The following CCDC77 variants were observed in gnomAD, a reference collection of about 807,000 sequenced individuals.
CCDC77 encodes coiled-coil domain containing 77.
A neutral mutation model predicts 66.8 loss-of-function variants in CCDC77; 56 were observed. The ratio of observed to expected loss-of-function variants is 0.84; its 90% CI spans 0.68 to 1.05. CCDC77 has a LOEUF of 1.05. CCDC77 is among the 50% of genes least tolerant of loss of function. The probability of loss-of-function intolerance (pLI) is 0.00; values close to 1 mark genes in which losing one functional copy is unlikely to be tolerated. For synonymous variants in CCDC77, 196 were observed against 195.2 expected (o/e 1.00, Z -0.03); for missense variants, 570 against 576.8 (o/e 0.99, Z 0.12).
Position 431,894 on chromosome 12 carries a change from G to A in CCDC77, c.612G>A (p.Ser204=), listed in dbSNP as rs1028272152. The A allele has an allele frequency of 4.3e-6, 7 of 1,609,924 alleles. No individual in the cohort carries two copies. The highest frequency in any genetic ancestry group is 4.5e-5 in the East Asian group (2 of 44,820). The change falls in exon 8 of 13, where the codon TCG becomes TCA. Residue 204 remains serine (S), a synonymous_variant. Coordinates refer to ENST00000239830, the MANE Select transcript of CCDC77 (RefSeq NM_032358.4). ...ADPKISKRRP[S]RERKESSEHY... is the part of the protein sequence containing the mutation. ...CTAAAATAAGCAAAAGAAGACCATC[G>A]AGAGAGAGAAAAGAAAGTTCTGAGC... is the stretch of plus-strand genomic sequence containing the variant.
chr12:392,773 A>G (rs994980772), intron 1 of CCDC77, among the ~76,000 whole-genome samples: 2 of 152,044 alleles, frequency 1.3e-5, no homozygotes, highest in Non-Finnish European at 2.9e-5. Flanking sequence ...GAGAACCCCC[A>G]AAGTTCTTGT....
chr12:407,035 A>C (rs540643289), intron 2 of CCDC77, among the ~76,000 whole-genome samples: 79 of 152,244 alleles, frequency 5.2e-4, no homozygotes, highest in Non-Finnish European at 1.1e-3. Flanking sequence ...AGCCAAGCGC[A>C]GTGACTCATG....
intron 1 of CCDC77, among the ~76,000 whole-genome samples, chr12:390,877 T>A (rs1176702372): frequency 6.6e-6 from 1 of 152,244 alleles, no homozygotes; most frequent in Non-Finnish European, 1.5e-5. Flanking sequence ...GAAGTCTTAG[T>A]TCTCCACATG....
rs751634340 is a variant in CCDC77, at chr12:440,856, A to T, written c.1180A>T (p.Lys394Ter). ...TCCCCATATTTAGGATCGCACTAAC[A>T]AGATGGGGAAGCGTTTACAGATAAT... ...RREIFKDRTNKMGKRLQIMTK... is the reference protein window; with the variant it reads ...RREIFKDRTN Residue 394 changes from lysine to a stop codon, truncating the protein, a stop_gained, in exon 12 of 13, where the codon AAG becomes TAG. Coordinates refer to ENST00000239830, the MANE Select transcript of CCDC77 (RefSeq NM_032358.4). LOFTEE classifies it high-confidence loss of function. 3 of 1,613,638 alleles carry T rather than the reference A, an allele frequency of 1.9e-6. No individual in the cohort carries two copies. The highest frequency in any genetic ancestry group is 2.5e-6 in the Non-Finnish European group (3 of 1,180,028).
intron 8 of CCDC77, 102 bp from the exon 9 acceptor site, chr12:433,072 G>T (rs1206918574): frequency 8.2e-7 from 1 of 1,220,494 alleles, no homozygotes; most frequent in Non-Finnish European, 1.2e-6. Flanking sequence ...GTTTTTGTTT[G>T]TGTTTGTTTT....
At chr12:391,641 A>ATAT (rs1190217378) in intron 1 of CCDC77, among the ~76,000 whole-genome samples, 9 of 152,254 alleles carry the variant, frequency 5.9e-5, no homozygotes, top group Non-Finnish European at 1.3e-4. Flanking sequence ...AACCTGATAG[A>ATAT]ACCTCAGTAT....
Position 411,994 on chromosome 12 carries a change from T to C in CCDC77, c.270+16T>C, listed in dbSNP as rs1945120905. 1.3e-6 allele frequency: 2 copies of C among 1,582,160 alleles called. No individual in the cohort carries two copies. The highest frequency in any genetic ancestry group is 1.7e-6 in the Non-Finnish European group (2 of 1,152,602). On this transcript the variant is annotated intron_variant, in intron 4 of 12. Coordinates refer to ENST00000239830, the MANE Select transcript of CCDC77 (RefSeq NM_032358.4). Reference sequence around the variant, plus strand: ...TGAAGGACAGGTAAAGAAACGATGCTGCTGCTTTAGAACTCTGATGGAGTC... The same window carrying C: ...TGAAGGACAGGTAAAGAAACGATGCCGCTGCTTTAGAACTCTGATGGAGTC...
intron 4 of CCDC77, among the ~76,000 whole-genome samples, chr12:412,856 T>C (rs1470868576): frequency 6.6e-6 from 1 of 152,100 alleles, no homozygotes; most frequent in African/African-American, 2.4e-5. Context: ...AGCCCTCCTC[T>C]CTCAACATCT....
At chr12:393,878 C>T (rs1426577744) in intron 1 of CCDC77, among the ~76,000 whole-genome samples, 1 of 152,148 alleles carries the variant, frequency 6.6e-6, no homozygotes, top group Non-Finnish European at 1.5e-5. Context: ...GCTTTTGTAA[C>T]ATCATGCATT....
intron 5 of CCDC77, among the ~76,000 whole-genome samples, chr12:425,545 A>C (rs964110085): frequency 6.6e-6 from 1 of 151,936 alleles, no homozygotes; most frequent in Admixed American, 6.6e-5. Context: ...GCAGTATTCC[A>C]AAATGCGGAG....
intron 1 of CCDC77, chr12:389,571 C>CGAGGCGAAGCGAGGCGG: frequency 9.0e-6 from 2 of 223,110 alleles, no homozygotes; most frequent in South Asian, 1.4e-4. Flanking sequence ...GGGCGAGGCG[C>CGAGGCGAAGCGAGGCGG]AACGAGGCGG....
At chr12:393,008 A>G (rs1310357621) in intron 1 of CCDC77, among the ~76,000 whole-genome samples, 1 of 72,458 alleles carries the variant, frequency 1.4e-5, no homozygotes, top group African/African-American at 4.3e-5. Flanking sequence ...CTGGATTATC[A>G]TATCTGTTTC....
At chr12:429,320 C>A (rs911278338) in intron 6 of CCDC77, among the ~76,000 whole-genome samples, 1 of 152,014 alleles carries the variant, frequency 6.6e-6, no homozygotes, top group Non-Finnish European at 1.5e-5. Context: ...ATACTTCCAT[C>A]TCTTTCTTCA....
intron 7 of CCDC77, among the ~76,000 whole-genome samples, chr12:431,357 G>A (rs926611713): frequency 6.6e-5 from 10 of 151,646 alleles, no homozygotes; most frequent in Non-Finnish European, 1.2e-4. Flanking sequence ...TAGCTAGGAC[G>A]ACAGGCATAT....
upstream of CCDC77, among the ~76,000 whole-genome samples, chr12:397,397 TATTAATGTAATTA>T (rs1944842271): frequency 6.6e-6 from 1 of 152,146 alleles, no homozygotes; most frequent in African/African-American, 2.4e-5. Flanking sequence ...TTTGGGAAGA[TATTAATGTAATTA>T]ACAGAGAAAA....
intron 10 of CCDC77, among the ~76,000 whole-genome samples, chr12:439,059 C>T (rs1945810455): frequency 6.6e-6 from 1 of 151,804 alleles, no homozygotes; most frequent in South Asian, 2.1e-4. Flanking sequence ...GCCCCGATGA[C>T]AGTGCGAGAC....
At chr12:401,418 A>C (rs1024252138), upstream of CCDC77, among the ~76,000 whole-genome samples, 9 of 152,242 alleles carry the variant, frequency 5.9e-5, 1 homozygote, top group African/African-American at 2.2e-4. Context: ...AGCGGGTTGC[A>C]GCCCAGCTGC....
In CCDC77 at chr12:442,051, C is replaced by T; in HGVS notation, c.*131C>T. 1 of 952,222 alleles carries T rather than the reference C, an allele frequency of 1.1e-6. No homozygotes were observed. Among genetic ancestry groups the T allele is most frequent in the East Asian group, 2.4e-5 (1 of 41,332 alleles). The allele number at this position is 952,222 out of a possible 1,614,324, so 59.0% of individuals were successfully genotyped here. A position where few individuals can be genotyped will look rare whatever the true frequency, so the allele number is the denominator to read the frequency against. On this transcript the variant is annotated 3_prime_UTR_variant, in exon 13 of 13. Transcript: ENST00000239830. ...GTGGTATTCATTATTGTAAAGACAG[C>T]TTGAAGAATCGGGGACCACTAGGAA...
upstream of CCDC77, among the ~76,000 whole-genome samples, chr12:400,011 C>A (rs146067701): frequency 2.6e-5 from 4 of 152,224 alleles, no homozygotes; most frequent in African/African-American, 9.6e-5. Context: ...GTTTAGCCAC[C>A]TTAATCAATT....
Sources: allele counts gnomAD v4.1 joint callset (sites outside exome capture counted in the v4.1 genomes callset), GRCh38; gene constraint gnomAD v4.1.1; transcripts MANE v1.5; gene names NCBI Gene and HGNC (gene_info 2026-07-23, HGNC 2026-07-21).